The following FLNA variants were observed in gnomAD, a reference collection of about 807,000 sequenced individuals.
FLNA encodes filamin A.
Under a neutral mutation model 157.6 loss-of-function variants are expected in FLNA, and 7 were observed. The observed-to-expected ratio is 0.04, with a 90% CI of 0.03 to 0.08. FLNA has a LOEUF of 0.08. FLNA is among the 10% of genes least tolerant of loss of function. FLNA has a pLI of 1.00. For synonymous variants in FLNA, 1,103 were observed against 1,060.8 expected, an observed-to-expected ratio of 1.04 and a Z score of -0.77; for missense variants, 1,750 against 2,398.4, an observed-to-expected ratio of 0.73 and a Z score of 5.65.
In FLNA at chrX:154,360,530, T is replaced by A; in HGVS notation, c.3265A>T (p.Thr1089Ser). Reference sequence around the variant, plus strand: ...GTGCCGGCGCCCTTGGTGTCGATGGTGAAGCGGGCGGGGGAGCCCGCACTG... The same window carrying A: ...GTGCCGGCGCCCTTGGTGTCGATGGAGAAGCGGGCGGGGGAGCCCGCACTG... ...GGSAGSPARFTIDTKGAGTGG... is the reference protein window; with the variant it reads ...GGSAGSPARFSIDTKGAGTGG... Residue 1089 changes from threonine (T) to serine (S), a missense_variant, in exon 22 of 48, where the codon ACC (threonine) becomes TCC (serine). Transcript: ENST00000369850. 8.3e-7 allele frequency: 1 copy of A among 1,210,323 alleles called. No homozygotes were observed. The highest frequency in any genetic ancestry group is 1.1e-6 in the Non-Finnish European group (1 of 895,322).
rs1603359437 is a variant in FLNA at position 154,353,385 on chromosome X, G to A, written c.5933C>T (p.Thr1978Met). ...AGTGGCCGTCAGCAGGCTGAGATCCGTCTCTGAGATGTTGATGGGGATGTC... is the reference window on the plus strand; with the variant it reads ...AGTGGCCGTCAGCAGGCTGAGATCCATCTCTGAGATGTTGATGGGGATGTC... ...AADIPINISE[T>M]DLSLLTATVV... The change falls in exon 37 of 48, where the codon ACG (threonine) becomes ATG (methionine). Residue 1978 changes from threonine (T) to methionine (M), a missense_variant. Transcript: ENST00000369850. The A allele has an allele frequency of 2.5e-6, 3 of 1,211,724 alleles. No homozygotes were observed. Among genetic ancestry groups the A allele is most frequent in the South Asian group, 1.8e-5 (1 of 57,029 alleles).
intron 43 of FLNA, 140 bp from the exon 44 acceptor site, chrX:154,351,181 A>T: frequency 1.5e-6 from 1 of 651,657 alleles, no homozygotes; most frequent in East Asian, 3.5e-5. Flanking sequence ...AGAGCCACTG[A>T]TTTGCAAGGG....
chrX:154,361,092 A>T (rs2067706353), intron 21 of FLNA, among the ~76,000 whole-genome samples: 1 of 103,580 alleles, frequency 9.7e-6, no homozygotes, highest in African/African-American at 3.5e-5. Context: ...AAGAAAAAAA[A>T]AAAAAAGAAA....
In FLNA at chrX:154,357,503, C is replaced by T; in HGVS notation, c.4876G>A (p.Glu1626Lys). The change falls in exon 29 of 48, where the codon GAG becomes AAG. Residue 1626 changes from glutamate (E) to lysine (K), a missense_variant. Physicochemically the swap from Glu to Lys is moderately conservative, Grantham distance 56. This residue lies in a region of FLNA where 970 missense variants were observed against 1,302.6 expected (regional missense o/e 0.74). Transcript: ENST00000369850. ...ACGCGGTACGGGGAGAAGGGGATCT[C>T]GTCACCACCGTACTTGATGAGGATG... ...YTILIKYGGD[E>K]IPFSPYRVRA... is the part of the protein sequence containing the mutation. 1 of 1,211,851 alleles carries T rather than the reference C, an allele frequency of 8.3e-7. No homozygotes were observed. Among genetic ancestry groups the T allele is most frequent in the Non-Finnish European group, 1.1e-6 (1 of 895,333 alleles).
intron 30 of FLNA, 37 bp from the exon 31 acceptor site, chrX:154,355,109 C>T (rs2067652905): frequency 3.4e-6 from 4 of 1,182,672 alleles, no homozygotes; most frequent in Non-Finnish European, 4.6e-6. Context: ...GGGGGGCCAG[C>T]GTGTGAGCTC....
rs1557177601 is a variant in FLNA at position 154,359,782 on chromosome X, T to C, written c.3929A>G (p.Gln1310Arg). The C allele has an allele frequency of 2.5e-5, 30 of 1,209,162 alleles. No individual in the cohort carries two copies. The highest frequency in any genetic ancestry group is 1.7e-5 in the Non-Finnish European group (15 of 895,094). The change falls in exon 23 of 48, where the codon CAG (glutamine) becomes CGG (arginine). Residue 1310 changes from glutamine to arginine, a missense_variant. By Grantham distance (43) the Gln-to-Arg change is conservative. Transcript: ENST00000369850. ...PSGNLTETYV[Q>R]DRGDGMYKVE... ...TTTGTACATGCCATCGCCACGGTCC[T>C]GAACGTAGGTCTCCGTCAGGTTGCC...
intron 6 of FLNA, 29 bp downstream of exon 6, chrX:154,366,703 G>C: frequency 8.3e-7 from 1 of 1,199,655 alleles, no homozygotes; most frequent in Non-Finnish European, 1.1e-6. Flanking sequence ...GAGCGCTGCG[G>C]GGCCTCTGCT....
At position 154,366,077 on chromosome X, in the gene FLNA, G is replaced by A. The variant is rs375463904; in HGVS notation, c.1376C>T (p.Thr459Met). The A allele has an allele frequency of 3.6e-5, 43 of 1,208,718 alleles. No individual in the cohort carries two copies. The highest frequency in any genetic ancestry group is 3.5e-4 in the African/African-American group (20 of 57,611). The change falls in exon 9 of 48, where the codon ACG becomes ATG. Residue 459 changes from threonine to methionine, a missense_variant. Thr to Met is a moderately conservative substitution (Grantham distance 81, BLOSUM62 -1). This residue lies in a region of FLNA where 648 missense variants were observed against 805.8 expected (regional missense o/e 0.80). Transcript: ENST00000369850. Reference sequence around the variant, plus strand: ...GCGAGGGATGGGCACGCCGGCAAACGTGACGTGCACGGTGTGGACGCCCTC... The same window carrying A: ...GCGAGGGATGGGCACGCCGGCAAACATGACGTGCACGGTGTGGACGCCCTC... ...TMEGVHTVHV[T>M]FAGVPIPRSP...
rs1159522528 is a variant in FLNA, at chrX:154,359,751, C to T, written c.3960G>A (p.Glu1320=). ...ACGCACCCTCCTCGTAAGGCGTGTA[C>T]TCCACTTTGTACATGCCATCGCCAC... The part of the protein sequence containing the change: ...QDRGDGMYKV[E]YTPYEEGLHS... The change falls in exon 23 of 48, where the codon GAG becomes GAA. Residue 1320 remains glutamate, a synonymous_variant. Transcript: ENST00000369850. The T allele has an allele frequency of 1.7e-6, 2 of 1,209,374 alleles. No homozygotes were observed. The highest frequency in any genetic ancestry group is 2.2e-6 in the Non-Finnish European group (2 of 895,134).
At position 154,365,242 on chromosome X, in the gene FLNA, T is replaced by G; in HGVS notation, c.1585A>C (p.Lys529Gln). The change falls in exon 11 of 48, where the codon AAG (lysine) becomes CAG (glutamine). Residue 529 changes from lysine (K) to glutamine (Q), a missense_variant. Lys to Gln is a moderately conservative substitution (Grantham distance 53, BLOSUM62 1). Transcript: ENST00000369850. ...ACGCCATCCCCCAGGTCCTTCTGCT[T>G]CACGCGCTCCTCTCCCTCTGCCAAG... is the stretch of plus-strand genomic sequence containing the variant. ...VKGPKGEERV[K>Q]QKDLGDGVYG... 1 of 1,211,603 alleles carries G rather than the reference T, an allele frequency of 8.3e-7. No individual in the cohort carries two copies. The highest frequency in any genetic ancestry group is 1.1e-6 in the Non-Finnish European group (1 of 895,464).
chrX:154,354,913 A>G lies in FLNA; in HGVS notation c.5129T>C (p.Ile1710Thr). The change falls in exon 31 of 48, where the codon ATC becomes ACC. Residue 1710 changes from isoleucine to threonine, a missense_variant. Physicochemically the swap from Ile to Thr is moderately conservative, Grantham distance 89. Around this residue, in one of 5 missense-constraint regions of FLNA, gnomAD observed 970 missense variants for 1,302.6 expected, o/e 0.74. Transcript: ENST00000369850. ...GCCCGGCTGGGGGGCCGTGTAGAAG[A>G]TGTCGAAAGTGCCGTCCTCATTCTC... Reference protein sequence around the residue: ...VVENEDGTFDIFYTAPQPGKY... With the variant: ...VVENEDGTFDTFYTAPQPGKY... 8.3e-7 allele frequency: 1 copy of G among 1,211,873 alleles called. No individual in the cohort carries two copies. The highest frequency in any genetic ancestry group is 1.8e-5 in the South Asian group (1 of 57,065).
Position 154,365,130 on chromosome X carries a change from C to T in FLNA, c.1691+6G>A, listed in dbSNP as rs1557178889. On this transcript the variant is annotated splice_donor_region_variant and intron_variant, in intron 11 of 47. Transcript: ENST00000369850. ...GAGCTGGGAGAGGGATGCCTGGGGGCCTCACCTGCGCCCGATGTTCTGACC... is the reference window on the plus strand; with the variant it reads ...GAGCTGGGAGAGGGATGCCTGGGGGTCTCACCTGCGCCCGATGTTCTGACC... The T allele has an allele frequency of 3.3e-6, 4 of 1,211,541 alleles. No individual in the cohort carries two copies. Among genetic ancestry groups the T allele is most frequent in the Non-Finnish European group, 3.4e-6 (3 of 895,357 alleles).
rs1238342421 is a variant in FLNA, at chrX:154,367,669, T to C, written c.692A>G (p.Gln231Arg). ...PVTNAREAMQ[Q>R]ADDWLGIPQV... ...GGGGATGCCCAGCCAGTCATCCGCC[T>C]GCTGCATGGCCTCTCGCGCATTGGT... Residue 231 changes from glutamine to arginine, a missense_variant, in exon 4 of 48, where the codon CAG becomes CGG. By Grantham distance (43) the Gln-to-Arg change is conservative (BLOSUM62 1). Coordinates refer to ENST00000369850, the MANE Select transcript of FLNA (RefSeq NM_001110556.2). 1 of 1,210,086 alleles carries C rather than the reference T, an allele frequency of 8.3e-7. No homozygotes were observed. The highest frequency in any genetic ancestry group is 1.1e-6 in the Non-Finnish European group (1 of 895,156).
In FLNA at chrX:154,364,093, G is replaced by A. The variant is rs1557178618; in HGVS notation, c.2209C>T (p.Pro737Ser). ...GCTGTGTGCTTCACCGGCTTCCTGG[G>A]CACGTAGGAGCAGCTGTAAGTGCCA... ...GNGTYSCSYV[P>S]RKPVKHTAMV... The change falls in exon 15 of 48, where the codon CCC becomes TCC. Residue 737 changes from proline to serine, a missense_variant. Pro to Ser is a moderately conservative substitution (Grantham distance 74, BLOSUM62 -1). Transcript: ENST00000369850. 1 of 1,208,907 alleles carries A rather than the reference G, an allele frequency of 8.3e-7. No individual in the cohort carries two copies. Among genetic ancestry groups the A allele is most frequent in the East Asian group, 3.0e-5 (1 of 33,775 alleles).
In FLNA at chrX:154,351,613, C is replaced by T. The variant is rs371689052; in HGVS notation, c.6991G>A (p.Asp2331Asn). Residue 2331 changes from aspartate to asparagine, a missense_variant, in exon 43 of 48, where the codon GAC (aspartate) becomes AAC (asparagine). By Grantham distance (23) the Asp-to-Asn change is conservative. This residue lies in a region of FLNA where 970 missense variants were observed against 1,302.6 expected (regional missense o/e 0.74). Coordinates refer to ENST00000369850, the MANE Select transcript of FLNA (RefSeq NM_001110556.2). ...FVVPVASPSG[D>N]ARRLTVSSLQ... Reference sequence around the variant, plus strand: ...CTAGAAACAGTGAGGCGGCGGGCGTCGCCAGACGGAGAAGCCACAGGCACC... The same window carrying T: ...CTAGAAACAGTGAGGCGGCGGGCGTTGCCAGACGGAGAAGCCACAGGCACC... 24 of 1,206,791 alleles carry T rather than the reference C, an allele frequency of 2.0e-5. No individual in the cohort carries two copies. The African/African-American group carries it at 2.1e-4, about 11-fold the overall frequency.
rs143873938 is a variant in FLNA, at chrX:154,365,245, C to T, written c.1582G>A (p.Val528Met). ...CCATCCCCCAGGTCCTTCTGCTTCA[C>T]GCGCTCCTCTCCCTCTGCCAAGACA... ...TVKGPKGEER[V>M]KQKDLGDGVY... The change falls in exon 11 of 48, where the codon GTG (valine) becomes ATG (methionine). Residue 528 changes from valine (V) to methionine (M), a missense_variant. Val to Met is a conservative substitution (Grantham distance 21). Coordinates refer to ENST00000369850, the MANE Select transcript of FLNA (RefSeq NM_001110556.2). 1,477 of 1,210,671 alleles carry T rather than the reference C, an allele frequency of 1.2e-3. 22 individuals carry two copies. In the East Asian group the frequency reaches 0.041, roughly 34 times the overall value.
At chrX:154,368,175 CG>C in intron 2 of FLNA, 85 bp from the exon 3 acceptor site, 1 of 1,181,985 alleles carries the variant, frequency 8.5e-7, no homozygotes, top group Admixed American at 2.2e-5. Context: ...TCTGGCAGCA[CG>C]GGGTAGCAGG....
chrX:154,352,316 C>T lies in FLNA; in HGVS notation c.6634G>A (p.Val2212Ile). 8.3e-7 allele frequency: 1 copy of T among 1,211,612 alleles called. No individual in the cohort carries two copies. Among genetic ancestry groups the T allele is most frequent in the Admixed American group, 2.2e-5 (1 of 46,124 alleles). The change falls in exon 41 of 48, where the codon GTC becomes ATC. Residue 2212 changes from valine to isoleucine, a missense_variant. Val to Ile is a conservative substitution (Grantham distance 29, BLOSUM62 3). Coordinates refer to ENST00000369850, the MANE Select transcript of FLNA (RefSeq NM_001110556.2). ...FVPAEMGTHT[V>I]SVKYKGQHVP... Reference sequence around the variant, plus strand: ...TGCTGGCCCTTGTACTTCACGCTGACTGTGTGTGTGCCCATCTCAGCGGGA... The same window carrying T: ...TGCTGGCCCTTGTACTTCACGCTGATTGTGTGTGTGCCCATCTCAGCGGGA...
intron 15 of FLNA, among the ~76,000 whole-genome samples, chrX:154,363,702 G>C (rs2067731903): frequency 1.8e-5 from 2 of 112,041 alleles, no homozygotes; most frequent in African/African-American, 6.5e-5. Context: ...GACAGTGTGA[G>C]ACTCCATCTC....
Sources: allele counts gnomAD v4.1 joint callset (sites outside exome capture counted in the v4.1 genomes callset), GRCh38; gene constraint gnomAD v4.1.1; regional missense constraint gnomAD v4.1.1; transcripts MANE v1.5; gene names NCBI Gene and HGNC (gene_info 2026-07-23, HGNC 2026-07-21).